Variants in TMEM245 observed in about 807,000 individuals in gnomAD.
TMEM245 encodes the protein transmembrane protein 245, also known as protein CG-2.
A neutral mutation model predicts 101.2 loss-of-function variants in TMEM245; 69 were observed. That is an observed-to-expected ratio of 0.68 (90% CI 0.56 to 0.83). The LOEUF is 0.83. Ranked by LOEUF, TMEM245 falls within the 40% of genes least tolerant of loss-of-function variation. The probability of loss-of-function intolerance (pLI) is 0.00; values close to 1 mark genes in which losing one functional copy is unlikely to be tolerated. For missense variants in TMEM245, 1,075 were observed against 1,092.8 expected (o/e 0.98, Z 0.23); for synonymous variants, 537 against 449.8 (o/e 1.19, Z -2.45).
intron 14 of TMEM245, among the ~76,000 whole-genome samples, chr9:109,044,427 AAGG>A (rs1828411798): frequency 6.6e-6 from 1 of 152,172 alleles, no homozygotes. Context: ...TAATGAAGAA[AAGG>A]AGGAGTGAAG....
intron 5 of TMEM245, among the ~76,000 whole-genome samples, chr9:109,089,323 A>G (rs1268982510): frequency 2.6e-5 from 4 of 152,232 alleles, no homozygotes; most frequent in African/African-American, 9.6e-5. Context: ...TCTGGTCATA[A>G]TAAATGTTAA....
chr9:109,016,324 A>C lies in TMEM245; in HGVS notation c.*4136T>G, dbSNP rs1487710070. 6.6e-6 allele frequency: 1 copy of C among 152,152 alleles called. No homozygotes were observed. Among genetic ancestry groups the C allele is most frequent in the Non-Finnish European group, 1.5e-5 (1 of 68,038 alleles). 9.4% of individuals were successfully genotyped at this position (152,152 alleles called of 1,614,324 possible). A position where few individuals can be genotyped will look rare whatever the true frequency, so the allele number is the denominator to read the frequency against. On this transcript the variant is annotated 3_prime_UTR_variant, in exon 18 of 18. Transcript: ENST00000374586. ...CACACACACTTTTTTTCTTACATCT[A>C]TTAACATCTCTTGGAACTACTGCTA...
intron 14 of TMEM245, among the ~76,000 whole-genome samples, chr9:109,043,009 G>A (rs376269052): frequency 2.6e-5 from 4 of 151,616 alleles, no homozygotes; most frequent in Non-Finnish European, 5.9e-5. Context: ...AACCCACTAC[G>A]TGCCAACCAC....
intron 8 of TMEM245, among the ~76,000 whole-genome samples, chr9:109,075,309 G>T (rs1156664307): frequency 6.6e-6 from 1 of 152,002 alleles, no homozygotes; most frequent in East Asian, 1.9e-4. Context: ...TATTTATAAG[G>T]GATACTGGTC....
At chr9:109,084,185 T>C (rs993747066) in intron 7 of TMEM245, among the ~76,000 whole-genome samples, 4 of 151,468 alleles carry the variant, frequency 2.6e-5, no homozygotes, top group Non-Finnish European at 5.9e-5. Context: ...TTCTCTTGAA[T>C]TGGTTTCCTA....
At chr9:109,035,518 A>C (rs1364885415) in intron 16 of TMEM245, among the ~76,000 whole-genome samples, 2 of 152,216 alleles carry the variant, frequency 1.3e-5, no homozygotes, top group Non-Finnish European at 2.9e-5. Flanking sequence ...ATATCTTTAG[A>C]GAGCTCTGCT....
At chr9:109,093,447 C>A in intron 4 of TMEM245, 28 bp downstream of exon 4, 1 of 1,575,106 alleles carries the variant, frequency 6.3e-7, no homozygotes, top group Non-Finnish European at 8.7e-7. Context: ...TCCAGAATAA[C>A]CTTGAATGTC....
intron 14 of TMEM245, among the ~76,000 whole-genome samples, chr9:109,049,737 G>A (rs1392478862): frequency 1.3e-5 from 2 of 152,170 alleles, no homozygotes; most frequent in Non-Finnish European, 2.9e-5. Context: ...TAAAGCAGGA[G>A]AATCACTTGA....
intron 1 of TMEM245, among the ~76,000 whole-genome samples, chr9:109,110,708 T>C (rs1434953798): frequency 1.3e-5 from 2 of 152,142 alleles, no homozygotes; most frequent in Non-Finnish European, 2.9e-5. Flanking sequence ...AAATCAGTTA[T>C]ACAAAACTGA....
chr9:109,104,974 C>A (rs567595573), intron 3 of TMEM245, among the ~76,000 whole-genome samples: 32 of 152,126 alleles, frequency 2.1e-4, no homozygotes, highest in African/African-American at 7.7e-4. Flanking sequence ...CAGATGACAT[C>A]AAAAACACAA....
intron 7 of TMEM245, among the ~76,000 whole-genome samples, chr9:109,084,810 T>G (rs181037723): frequency 1.4e-4 from 22 of 152,372 alleles, no homozygotes; most frequent in East Asian, 1.3e-3. Context: ...TTATAGGGAA[T>G]GGAGACATAC....
At chr9:109,061,958 G>T (rs1032230177) in intron 10 of TMEM245, among the ~76,000 whole-genome samples, 2 of 151,670 alleles carry the variant, frequency 1.3e-5, no homozygotes, top group African/African-American at 4.8e-5. Flanking sequence ...TTCATTGCAG[G>T]GTTACTTGTG....
chr9:109,043,500 T>G (rs1828380004), intron 14 of TMEM245, among the ~76,000 whole-genome samples: 1 of 152,238 alleles, frequency 6.6e-6, no homozygotes, highest in South Asian at 2.1e-4. Context: ...AATATCTGCC[T>G]TTTCTTGGTT....
chr9:109,074,900 A>C (rs927362702), intron 8 of TMEM245, among the ~76,000 whole-genome samples: 6 of 152,210 alleles, frequency 3.9e-5, no homozygotes, highest in Non-Finnish European at 7.3e-5. Flanking sequence ...TGAGGGGATA[A>C]TCAACTCAGG....
intron 10 of TMEM245, among the ~76,000 whole-genome samples, chr9:109,062,950 A>G (rs1829058839): frequency 6.6e-6 from 1 of 151,362 alleles, no homozygotes; most frequent in Non-Finnish European, 1.5e-5. Context: ...AGCCTGGGCA[A>G]CAGAGCAAGA....
chr9:109,054,581 G>C (rs1190559345), intron 12 of TMEM245, among the ~76,000 whole-genome samples: 1 of 152,012 alleles, frequency 6.6e-6, no homozygotes, highest in East Asian at 1.9e-4. Context: ...TCATGAACGA[G>C]ACTGGCCCTA....
At chr9:109,059,408 C>A (rs983010277) in intron 11 of TMEM245, among the ~76,000 whole-genome samples, 4 of 152,142 alleles carry the variant, frequency 2.6e-5, no homozygotes, top group African/African-American at 9.7e-5. Context: ...AGAATCATCA[C>A]CACCAACTCT....
intron 13 of TMEM245, 55 bp from the exon 14 acceptor site, chr9:109,050,483 A>C: frequency 6.2e-7 from 1 of 1,612,826 alleles, no homozygotes; most frequent in African/African-American, 1.3e-5. Flanking sequence ...AACTATAGGA[A>C]GACAGACATC....
intron 8 of TMEM245, among the ~76,000 whole-genome samples, chr9:109,077,694 TC>T (rs1829551268): frequency 6.6e-6 from 1 of 152,270 alleles, no homozygotes; most frequent in Non-Finnish European, 1.5e-5. Flanking sequence ...TAGCAATATT[TC>T]TTTTTGACAA....
Sources: gnomAD v4.1 joint callset for allele counts (sites outside exome capture counted in the v4.1 genomes callset) on GRCh38, gnomAD v4.1.1 for gene constraint, MANE v1.5 for transcripts, NCBI Gene and HGNC (gene_info 2026-07-23, HGNC 2026-07-21) for gene names.